Variants in ASCC3 observed in about 807,000 individuals in gnomAD.
ASCC3 encodes ASC-1 complex subunit P200.
A neutral mutation model predicts 256.3 loss-of-function variants in ASCC3; 158 were observed. The observed-to-expected ratio is 0.62, with a 90% confidence interval of 0.54 to 0.70. The LOEUF (loss-of-function observed/expected upper bound fraction) is 0.70. Among genes scored for constraint, ASCC3 ranks in the 30% least tolerant of loss-of-function variants. The pLI is 0.00. For missense variants in ASCC3, 2,259 were observed against 2,626.0 expected (o/e 0.86, Z 3.05); for synonymous variants, 948 against 883.4 (o/e 1.07, Z -1.30).
At chr6:100,733,800 A>G (rs1780018097) in intron 10 of ASCC3, among the ~76,000 whole-genome samples, 1 of 152,192 alleles carries the variant, frequency 6.6e-6, no homozygotes, top group Admixed American at 6.5e-5. Context: ...AAATTAGAAA[A>G]TGCATGAGTT....
chr6:100,616,836 C>T (rs1490323201), intron 30 of ASCC3, among the ~76,000 whole-genome samples: 12 of 152,212 alleles, frequency 7.9e-5, no homozygotes, highest in East Asian at 5.8e-4. Flanking sequence ...AGAAAGGGGC[C>T]GCCCTGCTGT....
intron 27 of ASCC3, 47 bp from the exon 28 acceptor site, chr6:100,628,034 T>G: frequency 6.2e-7 from 1 of 1,600,790 alleles, no homozygotes; most frequent in Non-Finnish European, 8.5e-7. Context: ...CAAGCCTGTG[T>G]TGGTCATTGC....
chr6:100,638,931 G>GA, intron 24 of ASCC3, 110 bp from the exon 25 acceptor site: 1 of 934,056 alleles, frequency 1.1e-6, no homozygotes, highest in Non-Finnish European at 1.7e-6. Flanking sequence ...TAGACAAGGA[G>GA]AAAAAACACA....
chr6:100,858,522 G>A, intron 3 of ASCC3: 2 of 912,722 alleles, frequency 2.2e-6, no homozygotes, highest in Non-Finnish European at 2.6e-6. Context: ...TTTATCATAA[G>A]TAATGTTAGA....
chr6:100,633,565 T>A (rs1032085007), intron 25 of ASCC3, among the ~76,000 whole-genome samples: 12 of 151,690 alleles, frequency 7.9e-5, no homozygotes, highest in Admixed American at 7.2e-4. Flanking sequence ...AAGAAGGAAA[T>A]CATAAGAAAT....
intron 13 of ASCC3, among the ~76,000 whole-genome samples, chr6:100,713,593 C>A (rs1778956117): frequency 6.6e-6 from 1 of 152,092 alleles, no homozygotes; most frequent in African/African-American, 2.4e-5. Flanking sequence ...AATGTAGGTT[C>A]ATTGATTGAA....
chr6:100,824,456 T>G (rs1313769747), intron 4 of ASCC3, among the ~76,000 whole-genome samples: 1 of 152,194 alleles, frequency 6.6e-6, no homozygotes, highest in Non-Finnish European at 1.5e-5. Flanking sequence ...GAAAAATAGC[T>G]GATGATGCAC....
intron 3 of ASCC3, among the ~76,000 whole-genome samples, chr6:100,860,468 AAG>A (rs1464517009): frequency 6.6e-6 from 1 of 151,922 alleles, no homozygotes; most frequent in Non-Finnish European, 1.5e-5. Flanking sequence ...AATAACAAAA[AAG>A]AGAGAAACTG....
At chr6:100,751,603 G>T (rs1780943980) in intron 10 of ASCC3, among the ~76,000 whole-genome samples, 1 of 151,842 alleles carries the variant, frequency 6.6e-6, no homozygotes, top group Non-Finnish European at 1.5e-5. Context: ...TTTTATGCTT[G>T]ATATAAACAC....
chr6:100,868,456 C>T (rs1372754204), intron 1 of ASCC3, among the ~76,000 whole-genome samples: 1 of 152,204 alleles, frequency 6.6e-6, no homozygotes, highest in Non-Finnish European at 1.5e-5. Flanking sequence ...GTATAGCTGG[C>T]TTCACACTGA....
At position 100,600,205 on chromosome 6, in the gene ASCC3, G is replaced by GCACACACA. The variant is rs56886686; in HGVS notation, c.5303+1597_5303+1604dup. 2.7e-3 allele frequency among the ~76,000 whole-genome samples: 401 copies of GCACACACA among 145,866 alleles called. 7 individuals are homozygous for GCACACACA. In the East Asian group the frequency reaches 0.035, roughly 13 times the overall value. On this transcript the variant is annotated intron_variant, in intron 34 of 41. Transcript: ENST00000369162. ...CTCCCATCTATACACACATGCACAT[G>GCACACACA]CACACACACACACACACACACACAC...
chr6:100,703,798 A>G (rs1778453009), intron 13 of ASCC3, among the ~76,000 whole-genome samples: 1 of 151,934 alleles, frequency 6.6e-6, no homozygotes, highest in African/African-American at 2.4e-5. Flanking sequence ...GTCTATAACA[A>G]ATGACTGTTA....
intron 4 of ASCC3, among the ~76,000 whole-genome samples, chr6:100,834,494 G>A (rs1173089403): frequency 6.6e-6 from 1 of 152,088 alleles, no homozygotes; most frequent in African/African-American, 2.4e-5. Flanking sequence ...AACACATGCT[G>A]TATGATTAAA....
chr6:100,572,576 T>A (rs1554194579), intron 36 of ASCC3, among the ~76,000 whole-genome samples: 1 of 152,130 alleles, frequency 6.6e-6, no homozygotes, highest in Non-Finnish European at 1.5e-5. Context: ...AGGGTAACTG[T>A]TCTGTTTTCA....
intron 25 of ASCC3, among the ~76,000 whole-genome samples, chr6:100,637,706 A>C (rs777212558): frequency 1.3e-5 from 2 of 152,066 alleles, no homozygotes; most frequent in Non-Finnish European, 2.9e-5. Context: ...AGTTGATTCC[A>C]CCCTTCACGG....
At chr6:100,835,308 TATTG>T (rs1234430042) in intron 4 of ASCC3, among the ~76,000 whole-genome samples, 1 of 152,154 alleles carries the variant, frequency 6.6e-6, no homozygotes, top group African/African-American at 2.4e-5. Context: ...TTTTTGCTTT[TATTG>T]CTTATGATTT....
In ASCC3 at chr6:100,509,415, C is replaced by CA; in HGVS notation, c.6579dup (p.Asp2194Ter). 1 of 1,614,202 alleles carries CA rather than the reference C, an allele frequency of 6.2e-7. No homozygotes were observed. Among genetic ancestry groups the CA allele is most frequent in the Non-Finnish European group, 8.5e-7 (1 of 1,180,040 alleles). On this transcript the variant is annotated frameshift_variant, in exon 42 of 42. Coordinates refer to ENST00000369162, the MANE Select transcript of ASCC3 (RefSeq NM_006828.4). LOFTEE classifies it high-confidence loss of function. ...TTTAATGCCAGGTCAGTCAGGGAAT[C>CA]AGAGACCTTGGTGTTGACCTGTGCA...
At chr6:100,535,466 G>GTT (rs34575315) in intron 37 of ASCC3, among the ~76,000 whole-genome samples, 3,620 of 98,568 alleles carry the variant, frequency 0.037, 210 homozygotes, top group African/African-American at 0.066. Context: ...TGGTTTTCGT[G>GTT]TTTTTTTTTT....
At chr6:100,602,583 T>C (rs1413034653) in intron 33 of ASCC3, among the ~76,000 whole-genome samples, 2 of 151,956 alleles carry the variant, frequency 1.3e-5, no homozygotes, top group Non-Finnish European at 2.9e-5. Context: ...ATGGAGCAAG[T>C]ATAGAATAAG....
Sources: allele counts gnomAD v4.1 joint callset (sites outside exome capture counted in the v4.1 genomes callset), GRCh38; gene constraint gnomAD v4.1.1; transcripts MANE v1.5; gene names NCBI Gene and HGNC (gene_info 2026-07-23, HGNC 2026-07-21).